The following MACROD1 variants were observed in gnomAD, a reference collection of about 807,000 sequenced individuals.
MACROD1 encodes ADP-ribose glycohydrolase MACROD1.
Under a neutral mutation model 41.4 loss-of-function variants are expected in MACROD1, and 31 were observed. The ratio of observed to expected loss-of-function variants is 0.75; its 90% CI spans 0.56 to 1.01. The LOEUF (loss-of-function observed/expected upper bound fraction) is 1.01. MACROD1 is among the 50% of genes least tolerant of loss of function. MACROD1 has a pLI of 0.00. For synonymous variants in MACROD1, 252 were observed against 203.4 expected (o/e 1.24, Z -2.03); for missense variants, 473 against 460.0 (o/e 1.03, Z -0.26).
chr11:64,138,989 A>C (rs1945371672), intron 3 of MACROD1, among the ~76,000 whole-genome samples: 1 of 150,810 alleles, frequency 6.6e-6, no homozygotes, highest in African/African-American at 2.4e-5. Flanking sequence ...CTGGTCTTGA[A>C]CTCCTGACCT....
Position 64,091,421 on chromosome 11 carries a change from C to T in MACROD1, c.517+59818G>A, listed in dbSNP as rs566223218. Reference sequence around the variant, plus strand: ...GAGGTTGGGGGGCGGGTGGCACCACCGCAGCTTTTGCCCCAGGGCTGCACT... The same window carrying T: ...GAGGTTGGGGGGCGGGTGGCACCACTGCAGCTTTTGCCCCAGGGCTGCACT... On this transcript the variant is annotated intron_variant, in intron 3 of 10. Transcript: ENST00000255681. 4.2e-4 allele frequency among the ~76,000 whole-genome samples: 62 copies of T among 149,258 alleles called. 1 individual carries two copies. The East Asian group carries it at 1.0e-2, about 24-fold the overall frequency.
intron 3 of MACROD1, among the ~76,000 whole-genome samples, chr11:64,075,197 T>C (rs1031141611): frequency 3.9e-5 from 6 of 152,240 alleles, no homozygotes; most frequent in Non-Finnish European, 8.8e-5. Flanking sequence ...GCCATGAGCC[T>C]GGACCATTCT....
At chr11:64,079,414 T>G in intron 3 of MACROD1, among the ~76,000 whole-genome samples, 1 of 149,646 alleles carries the variant, frequency 6.7e-6, no homozygotes, top group African/African-American at 2.5e-5. Context: ...GATGGGGGGG[T>G]GTGCGAAGAC....
At chr11:64,056,737 C>T (rs1943793392) in intron 3 of MACROD1, among the ~76,000 whole-genome samples, 2 of 152,178 alleles carry the variant, frequency 1.3e-5, no homozygotes, top group African/African-American at 2.4e-5. Flanking sequence ...GGGTGTGAGG[C>T]CCATCCTGGG....
intron 3 of MACROD1, chr11:64,117,332 C>T: frequency 6.2e-7 from 1 of 1,614,084 alleles, no homozygotes; most frequent in Non-Finnish European, 8.5e-7. Flanking sequence ...TGCGGGGCCT[C>T]ATGTGCCAGG....
At chr11:64,155,048 T>C (rs1224562265) in intron 1 of MACROD1, among the ~76,000 whole-genome samples, 1 of 152,154 alleles carries the variant, frequency 6.6e-6, no homozygotes. Context: ...TCTTGACCTG[T>C]AGGTTCCATA....
intron 3 of MACROD1, chr11:64,116,639 C>T (rs142276831): frequency 1.6e-5 from 26 of 1,614,180 alleles, no homozygotes; most frequent in Admixed American, 1.0e-4. Context: ...TCCCCATCAA[C>T]CTGCCCCGCT....
chr11:64,026,528 G>A (rs1455679898), intron 3 of MACROD1, among the ~76,000 whole-genome samples: 5 of 152,262 alleles, frequency 3.3e-5, no homozygotes, highest in East Asian at 1.9e-4. Context: ...TGTGGAGTGC[G>A]CATATCTTAA....
intron 3 of MACROD1, among the ~76,000 whole-genome samples, chr11:64,080,226 T>C (rs1384888457): frequency 6.6e-6 from 1 of 152,180 alleles, no homozygotes. Flanking sequence ...TTGGCCAGGC[T>C]GGTCTCAAAC....
At chr11:64,063,269 C>T (rs1003313696) in intron 3 of MACROD1, among the ~76,000 whole-genome samples, 1 of 152,022 alleles carries the variant, frequency 6.6e-6, no homozygotes, top group Non-Finnish European at 1.5e-5. Flanking sequence ...GCAATATTAG[C>T]GCCCTCTTCC....
chr11:64,032,110 C>T (rs1261987434), intron 3 of MACROD1, among the ~76,000 whole-genome samples: 2 of 152,152 alleles, frequency 1.3e-5, no homozygotes, highest in Non-Finnish European at 2.9e-5. Flanking sequence ...TGACCACAGA[C>T]CCCACCCCCC....
intron 3 of MACROD1, among the ~76,000 whole-genome samples, chr11:64,087,381 T>C (rs1487702132): frequency 6.6e-6 from 1 of 152,154 alleles, no homozygotes; most frequent in African/African-American, 2.4e-5. Flanking sequence ...GCTGTAGCCC[T>C]GACCACAGGC....
Position 64,051,305 on chromosome 11 carries a change from C to T in MACROD1, c.518-36024G>A, listed in dbSNP as rs1943689776. Among the ~76,000 whole-genome samples the T allele has an allele frequency of 5.3e-5, 8 of 152,318 alleles. No individual in the cohort carries two copies. The South Asian group carries it at 1.7e-3, about 32-fold the overall frequency. On this transcript the variant is annotated intron_variant, in intron 3 of 10. Coordinates refer to ENST00000255681, the MANE Select transcript of MACROD1 (RefSeq NM_014067.4). ...GTCCCTCTTTTGAAGTAGCTCTGGGCAGACACCTGCCTTGACGGCCCTCTG... is the reference window on the plus strand; with the variant it reads ...GTCCCTCTTTTGAAGTAGCTCTGGGTAGACACCTGCCTTGACGGCCCTCTG...
chr11:64,107,754 G>A (rs647304), intron 3 of MACROD1, among the ~76,000 whole-genome samples: 1 of 152,000 alleles, frequency 6.6e-6, no homozygotes, highest in Non-Finnish European at 1.5e-5. Context: ...GCTGGGGTTA[G>A]AAGGTCCTTG....
At position 63,998,994 on chromosome 11, in the gene MACROD1, C is replaced by T. The variant is rs1398237312; in HGVS notation, c.934G>A (p.Asp312Asn). 4 of 1,609,000 alleles carry T rather than the reference C, an allele frequency of 2.5e-6. No individual in the cohort carries two copies. Among genetic ancestry groups the T allele is most frequent in the Non-Finnish European group, 1.7e-6 (2 of 1,178,426 alleles). The change falls in exon 9 of 11, where the codon GAC becomes AAC. Residue 312 changes from aspartate (D) to asparagine (N), a missense_variant. Coordinates refer to ENST00000255681, the MANE Select transcript of MACROD1 (RefSeq NM_014067.4). ...IICVFLEKDE[D>N]IYRSRLPHYF... ...TGGGGGAGCCGGCTCCGGTAGATGT[C>T]CTCGTCCTTCTCGAGGAACACGCAG...
rs73496096 is a variant in MACROD1, at chr11:64,013,429, G to A, written c.547+1823C>T. ...GGAGCAAGGGCATTGCAGGCAGAAGGAACTGCCAGGGCAAAGGCCCGGAGG... is the reference window on the plus strand; with the variant it reads ...GGAGCAAGGGCATTGCAGGCAGAAGAAACTGCCAGGGCAAAGGCCCGGAGG... On this transcript the variant is annotated intron_variant, in intron 4 of 10. Coordinates refer to ENST00000255681, the MANE Select transcript of MACROD1 (RefSeq NM_014067.4). Among the ~76,000 whole-genome samples, 1,053 of 152,352 alleles carry A rather than the reference G, an allele frequency of 6.9e-3. 7 individuals are homozygous for A. The highest frequency in any genetic ancestry group is 0.024 in the African/African-American group (1,006 of 41,576).
chr11:64,045,393 T>C (rs906793630), intron 3 of MACROD1, among the ~76,000 whole-genome samples: 2 of 152,224 alleles, frequency 1.3e-5, no homozygotes, highest in East Asian at 3.8e-4. Flanking sequence ...GGCATGTTGA[T>C]AATTTATTTG....
At chr11:64,048,097 C>T (rs373842475) in intron 3 of MACROD1, among the ~76,000 whole-genome samples, 213 of 152,254 alleles carry the variant, frequency 1.4e-3, no homozygotes, top group African/African-American at 4.5e-3. Context: ...CTGCCCTGGC[C>T]GGCGGGAGGC....
intron 3 of MACROD1, chr11:64,118,151 C>G (rs767062332): frequency 6.2e-7 from 1 of 1,613,850 alleles, no homozygotes; most frequent in East Asian, 2.2e-5. Flanking sequence ...ACCCGTACCG[C>G]GCCAAAGAAG....
Sources: gnomAD v4.1 joint callset for allele counts (sites outside exome capture counted in the v4.1 genomes callset) on GRCh38, gnomAD v4.1.1 for gene constraint, MANE v1.5 for transcripts, NCBI Gene and HGNC (gene_info 2026-07-23, HGNC 2026-07-21) for gene names.